The following TCF4 variants were observed in gnomAD, a reference collection of about 807,000 sequenced individuals.
The protein encoded by TCF4 is transcription factor 4.
TCF4 carries 3 observed loss-of-function variants against 82.1 expected under a neutral mutation model. The observed-to-expected ratio is 0.04, with a 90% confidence interval of 0.02 to 0.09. The LOEUF (loss-of-function observed/expected upper bound fraction) is 0.09. TCF4 is among the 10% of genes least tolerant of loss of function. TCF4 has a pLI of 1.00. For synonymous variants in TCF4, 276 were observed against 309.6 expected, an observed-to-expected ratio of 0.89 and a Z score of 1.14; for missense variants, 518 against 852.7, an observed-to-expected ratio of 0.61 and a Z score of 4.89.
intron 3 of TCF4, among the ~76,000 whole-genome samples, chr18:55,519,287 A>T (rs1445906718): frequency 2.0e-5 from 3 of 152,024 alleles, no homozygotes; most frequent in Non-Finnish European, 4.4e-5. Context: ...TACAAAAATT[A>T]GCCATGCATG....
chr18:55,537,513 C>T (rs1178514936), intron 3 of TCF4, among the ~76,000 whole-genome samples: 3 of 151,634 alleles, frequency 2.0e-5, no homozygotes, highest in Non-Finnish European at 4.4e-5. Context: ...TCACTTGAGC[C>T]CAGGAGGGGG....
chr18:55,407,896 G>A (rs2094174282), intron 5 of TCF4, among the ~76,000 whole-genome samples: 1 of 152,078 alleles, frequency 6.6e-6, no homozygotes. Flanking sequence ...AATATTACAT[G>A]AAGGGAAAAA....
At chr18:55,402,130 A>G (rs1324174420) in intron 6 of TCF4, 7 of 985,358 alleles carry the variant, frequency 7.1e-6, no homozygotes, top group African/African-American at 1.7e-5. Context: ...ACAAACTGCC[A>G]TGAACTGCAC....
Position 55,254,482 on chromosome 18 carries a change from A to C in TCF4, c.1350+15T>G. 6 of 1,612,488 alleles carry C rather than the reference A, an allele frequency of 3.7e-6. No homozygotes were observed. Among genetic ancestry groups the C allele is most frequent in the Non-Finnish European group, 5.1e-6 (6 of 1,179,004 alleles). ...CTATATGATAACTATAGAGTCTATAAATTTCATCACTTACCATGAGTGAAT... is the reference window on the plus strand; with the variant it reads ...CTATATGATAACTATAGAGTCTATACATTTCATCACTTACCATGAGTGAAT... On this transcript the variant is annotated intron_variant, in intron 15 of 19. Coordinates refer to ENST00000354452, the MANE Select transcript of TCF4 (RefSeq NM_001083962.2).
At chr18:55,358,186 C>T (rs1312998690) in intron 6 of TCF4, among the ~76,000 whole-genome samples, 2 of 152,222 alleles carry the variant, frequency 1.3e-5, no homozygotes, top group African/African-American at 2.4e-5. Flanking sequence ...CAGAGACCTG[C>T]CATGGCACAT....
rs1371745683 is a variant in TCF4 at position 55,224,679 on chromosome 18, AGGAATC to A, written c.*3350_*3355del. 1 of 152,654 alleles carries A rather than the reference AGGAATC, an allele frequency of 6.6e-6. No individual in the cohort carries two copies. The highest frequency in any genetic ancestry group is 1.5e-5 in the Non-Finnish European group (1 of 68,030). 9.5% of individuals were successfully genotyped at this position (152,654 alleles called of 1,614,324 possible). ...AAATAGGAAAAAGTGAAAAATAAAA[AGGAATC>A]GGAAGACTGAATCAGAACCAGTTGC... On this transcript the variant is annotated 3_prime_UTR_variant, in exon 20 of 20. Coordinates refer to ENST00000354452, the MANE Select transcript of TCF4 (RefSeq NM_001083962.2).
In TCF4 at chr18:55,369,798, C is replaced by G. The variant is rs537748430; in HGVS notation, c.370-18795G>C. Reference sequence around the variant, plus strand: ...TTAAATGTTTATAAACGTCAAAATTCAGTAGCTTACTAAACCGGGTTCTTT... The same window carrying G: ...TTAAATGTTTATAAACGTCAAAATTGAGTAGCTTACTAAACCGGGTTCTTT... On this transcript the variant is annotated intron_variant, in intron 6 of 19. Coordinates refer to ENST00000354452, the MANE Select transcript of TCF4 (RefSeq NM_001083962.2). 3.3e-5 allele frequency among the ~76,000 whole-genome samples: 5 copies of G among 152,276 alleles called. No homozygotes were observed. The East Asian group carries it at 7.7e-4, about 23-fold the overall frequency.
At chr18:55,238,200 C>T (rs768827413) in intron 15 of TCF4, among the ~76,000 whole-genome samples, 3 of 152,162 alleles carry the variant, frequency 2.0e-5, no homozygotes, top group Admixed American at 1.3e-4. Flanking sequence ...TTTTGATAAC[C>T]TTTTCATAGA....
intron 5 of TCF4, among the ~76,000 whole-genome samples, chr18:55,415,800 G>T (rs970625152): frequency 6.6e-6 from 1 of 152,094 alleles, no homozygotes; most frequent in African/African-American, 2.4e-5. Flanking sequence ...GTAATGCAAG[G>T]ATTTATGGAA....
chr18:55,620,800 CTTTT>C (rs35186442), intron 2 of TCF4, among the ~76,000 whole-genome samples: 1 of 143,762 alleles, frequency 7.0e-6, no homozygotes, highest in African/African-American at 2.6e-5. Flanking sequence ...TTGTCCAGTT[CTTTT>C]TTTTTTTTTT....
At chr18:55,373,611 A>G (rs111813441) in intron 6 of TCF4, among the ~76,000 whole-genome samples, 8,426 of 151,958 alleles carry the variant, frequency 0.055, 377 homozygotes, top group African/African-American at 0.12. Flanking sequence ...TCAGGAATTC[A>G]AGACCAGGCT....
chr18:55,441,239 T>C (rs1391897125), intron 5 of TCF4, among the ~76,000 whole-genome samples: 1 of 152,266 alleles, frequency 6.6e-6, no homozygotes, highest in African/African-American at 2.4e-5. Context: ...ACAGACTTGC[T>C]GAAGCTTCTA....
At position 55,464,127 on chromosome 18, in the gene TCF4, G is replaced by A; in HGVS notation, c.156C>T (p.Asp52=). 1 of 1,614,024 alleles carries A rather than the reference G, an allele frequency of 6.2e-7. No individual in the cohort carries two copies. Among genetic ancestry groups the A allele is most frequent in the Non-Finnish European group, 8.5e-7 (1 of 1,179,928 alleles). Residue 52 remains aspartate (D), a synonymous_variant, in exon 4 of 20, where the codon GAC becomes GAT. Coordinates refer to ENST00000354452, the MANE Select transcript of TCF4 (RefSeq NM_001083962.2). ...TCCCCCAGGACCCTGAGCTACTTCT[G>A]TCTTCTACATCTAGGGACAAGAGAA... ...SGHFTGSNVE[D]RSSSGSWGNG...
At chr18:55,495,234 G>C (rs563880505) in intron 3 of TCF4, among the ~76,000 whole-genome samples, 1 of 150,832 alleles carries the variant, frequency 6.6e-6, no homozygotes, top group South Asian at 2.1e-4. Flanking sequence ...AGAATCAAAA[G>C]CCAGAACTAA....
chr18:55,293,356 C>A (rs138368264), intron 8 of TCF4, among the ~76,000 whole-genome samples: 13 of 152,162 alleles, frequency 8.5e-5, no homozygotes, highest in African/African-American at 3.1e-4. Flanking sequence ...GGCTGCCTTT[C>A]CACTGAAATA....
At chr18:55,372,657 A>G (rs1448597992) in intron 6 of TCF4, among the ~76,000 whole-genome samples, 1 of 144,448 alleles carries the variant, frequency 6.9e-6, no homozygotes. Flanking sequence ...AAATCAACCC[A>G]AAAAAACCCA....
rs146684796 is a variant in TCF4 at position 55,290,746 on chromosome 18, C to G, written c.550-11090G>C. Among the ~76,000 whole-genome samples the G allele has an allele frequency of 4.6e-5, 7 of 152,090 alleles. 1 individual carries two copies. The East Asian group carries it at 1.4e-3, about 29-fold the overall frequency. ...TTCCTTCTCAGGAAGCAAGAGCGAT[C>G]AGGAAGAAAGTTGCATCAGACACAA... On this transcript the variant is annotated intron_variant, in intron 8 of 19. Transcript: ENST00000354452.
chr18:55,232,745 A>G (rs1208280751), intron 16 of TCF4, 74 bp from the exon 17 acceptor site: 3 of 1,567,170 alleles, frequency 1.9e-6, no homozygotes, highest in Middle Eastern at 1.7e-4. Flanking sequence ...CAAGGCTGCC[A>G]GCAGACAATT....
upstream of TCF4, among the ~76,000 whole-genome samples, chr18:55,593,206 T>G (rs1568479561): frequency 6.6e-6 from 1 of 152,176 alleles, no homozygotes; most frequent in Non-Finnish European, 1.5e-5. Context: ...CAAGTGTCAT[T>G]CATTCCCTTT....
Sources: allele counts gnomAD v4.1 joint callset (sites outside exome capture counted in the v4.1 genomes callset), GRCh38; gene constraint gnomAD v4.1.1; transcripts MANE v1.5; gene names NCBI Gene and HGNC (gene_info 2026-07-23, HGNC 2026-07-21).